RAET1E: variants seen among roughly 807,000 people sequenced by gnomAD.
RAET1E encodes the protein NKG2D ligand 4.
Under a neutral mutation model 21.1 loss-of-function variants are expected in RAET1E, and 27 were observed. That is an observed-to-expected ratio of 1.28 (90% CI 0.94 to 1.76). RAET1E has a LOEUF of 1.76. Ranked by LOEUF, RAET1E falls within the 40% of genes most tolerant of loss-of-function variation. The probability of loss-of-function intolerance (pLI) is 0.00; values close to 1 mark genes in which losing one functional copy is unlikely to be tolerated. For synonymous variants in RAET1E, 113 were observed against 115.0 expected (o/e 0.98, Z 0.11); for missense variants, 310 against 311.3 (o/e 1.00, Z 0.03).
intron 2 of RAET1E, chr6:149,895,611 GAA>G (rs1778086541): frequency 6.6e-6 from 1 of 152,200 alleles, no homozygotes; most frequent in Non-Finnish European, 1.5e-5. Context: ...CTATCATTGG[GAA>G]AAGTCTTAGG....
At chr6:149,894,295 G>C (rs527332104) in intron 2 of RAET1E, among the ~76,000 whole-genome samples, 2 of 152,174 alleles carry the variant, frequency 1.3e-5, no homozygotes, top group Admixed American at 1.3e-4. Flanking sequence ...GATGTTCTCT[G>C]TATTTCCTGA....
At position 149,889,568 on chromosome 6, in the gene RAET1E, A is replaced by G; in HGVS notation, c.402T>C (p.Thr134=). ...TGGTGGCGAACTGCCAGGATGCACC[A>G]GTGCACCGTTCTGCTTCACGTTGAC... The part of the protein sequence containing the change: ...MFCQREAERC[T]GASWQFATNG... The change falls in exon 5 of 6, where the codon ACT becomes ACC. Residue 134 remains threonine (T), a synonymous_variant. Coordinates refer to ENST00000357183, the MANE Select transcript of RAET1E (RefSeq NM_001394057.1). 1 of 1,614,208 alleles carries G rather than the reference A, an allele frequency of 6.2e-7. No individual in the cohort carries two copies. Among genetic ancestry groups the G allele is most frequent in the Non-Finnish European group, 8.5e-7 (1 of 1,180,038 alleles).
chr6:149,891,122 G>A, intron 2 of RAET1E, 88 bp from the exon 3 acceptor site: 1 of 459,504 alleles, frequency 2.2e-6, no homozygotes, highest in Non-Finnish European at 3.9e-6. Flanking sequence ...AATAAAAGAA[G>A]ACATTTAAAA....
At chr6:149,893,856 A>G (rs950720816) in intron 2 of RAET1E, among the ~76,000 whole-genome samples, 15 of 152,200 alleles carry the variant, frequency 9.9e-5, no homozygotes, top group African/African-American at 3.4e-4. Flanking sequence ...AATAGCTCTC[A>G]TTATTTTCGG....
chr6:149,890,275 C>T lies in RAET1E; in HGVS notation c.86-130G>A, dbSNP rs888561427. 5.6e-5 allele frequency: 51 copies of T among 906,028 alleles called. No individual in the cohort carries two copies. The Admixed American group carries it at 1.3e-3, about 23-fold the overall frequency. The allele number at this position is 906,028 out of a possible 1,614,324, so 56.1% of individuals were successfully genotyped here. ...GCGGGGCAGCTCCATCCCAGACTCC[C>T]TCAACCTTCTGGATCCCTGTTCCCA... On this transcript the variant is annotated intron_variant, in intron 3 of 5. Coordinates refer to ENST00000357183, the MANE Select transcript of RAET1E (RefSeq NM_001394057.1).
intron 1 of RAET1E, among the ~76,000 whole-genome samples, chr6:149,897,680 C>G (rs992438429): frequency 1.3e-5 from 2 of 152,104 alleles, no homozygotes; most frequent in African/African-American, 4.8e-5. Flanking sequence ...GAGAATGGGA[C>G]AAGAGAAGTC....
chr6:149,884,479 G>A lies in RAET1E; in HGVS notation c.*4019C>T, dbSNP rs1777522634. ...AGGTGAACAACTCTGCGCCGCCGTG[G>A]TATCACCTCTAGGTGGATCTTCTGC... is the stretch of plus-strand genomic sequence containing the variant. On this transcript the variant is annotated 3_prime_UTR_variant, in exon 6 of 6. Transcript: ENST00000357183. 5.2e-6 allele frequency: 8 copies of A among 1,535,802 alleles called. No individual in the cohort carries two copies. Among genetic ancestry groups the A allele is most frequent in the Non-Finnish European group, 5.2e-6 (6 of 1,146,712 alleles).
Position 149,884,405 on chromosome 6 carries a change from A to G in RAET1E, c.*4093T>C. The stretch of plus-strand genomic sequence containing the variant: ...TGCAGGCTCCGCCTCCACTTGACTC[A>G]GGGAACACACAGCAGTGGGAGCCAA... On this transcript the variant is annotated 3_prime_UTR_variant, in exon 6 of 6. Coordinates refer to ENST00000357183, the MANE Select transcript of RAET1E (RefSeq NM_001394057.1). 1 of 1,298,206 alleles carries G rather than the reference A, an allele frequency of 7.7e-7. No homozygotes were observed. Among genetic ancestry groups the G allele is most frequent in the African/African-American group, 1.5e-5 (1 of 68,434 alleles). The allele number at this position is 1,298,206 out of a possible 1,614,324, so 80.4% of individuals were successfully genotyped here. A position where few individuals can be genotyped will look rare whatever the true frequency, so the allele number is the denominator to read the frequency against.
intron 4 of RAET1E, 66 bp downstream of exon 4, chr6:149,889,819 C>G: frequency 6.4e-7 from 1 of 1,560,738 alleles, no homozygotes; most frequent in Non-Finnish European, 8.7e-7. Flanking sequence ...AGCCCCTCCC[C>G]ATCTGTGTTC....
At chr6:149,889,652 TC>T in intron 4 of RAET1E, 29 bp from the exon 5 acceptor site, 1 of 1,611,104 alleles carries the variant, frequency 6.2e-7, no homozygotes, top group Non-Finnish European at 8.5e-7. Flanking sequence ...GCCATCATCC[TC>T]CACTCTTTGA....
At position 149,885,644 on chromosome 6, in the gene RAET1E, C is replaced by T. The variant is rs1016681131; in HGVS notation, c.*2854G>A. ...GGATTGAGCTGAAGATAGTCACTGA[C>T]ATGATTCAAAGGATTAGCACTTGGT... On this transcript the variant is annotated 3_prime_UTR_variant, in exon 6 of 6. Transcript: ENST00000357183. 5.3e-5 allele frequency: 8 copies of T among 152,380 alleles called. No homozygotes were observed. In the East Asian group the frequency reaches 7.7e-4, roughly 15 times the overall value. The allele number at this position is 152,380 out of a possible 1,614,324, so 9.4% of individuals were successfully genotyped here.
chr6:149,888,668 CTA>C lies in RAET1E; in HGVS notation c.623-3_623-2del, dbSNP rs1562463836. ...ATATCTGAAGCATTTACTGGTGACACTAAAAAAAAAAAAAAAAAGAAAAAAAA... is the reference window on the plus strand; with the variant it reads ...ATATCTGAAGCATTTACTGGTGACACAAAAAAAAAAAAAAAAGAAAAAAAA... On this transcript the variant is annotated splice_acceptor_variant and splice_polypyrimidine_tract_variant and intron_variant, in intron 5 of 5. Transcript: ENST00000357183. LOFTEE classifies it high-confidence loss of function. 2.1e-5 allele frequency: 25 copies of C among 1,213,128 alleles called. No individual in the cohort carries two copies. The highest frequency in any genetic ancestry group is 4.6e-5 in the Admixed American group (1 of 21,602). 75.1% of individuals were successfully genotyped at this position (1,213,128 alleles called of 1,614,324 possible).
In RAET1E at chr6:149,889,567, C is replaced by T. The variant is rs1777783519; in HGVS notation, c.403G>A (p.Gly135Ser). The T allele has an allele frequency of 6.2e-7, 1 of 1,614,180 alleles. No homozygotes were observed. The highest frequency in any genetic ancestry group is 8.5e-7 in the Non-Finnish European group (1 of 1,180,028). ...FCQREAERCT[G>S]ASWQFATNGE... ...TTGGTGGCGAACTGCCAGGATGCACCAGTGCACCGTTCTGCTTCACGTTGA... is the reference window on the plus strand; with the variant it reads ...TTGGTGGCGAACTGCCAGGATGCACTAGTGCACCGTTCTGCTTCACGTTGA... The change falls in exon 5 of 6, where the codon GGT (glycine) becomes AGT (serine). Residue 135 changes from glycine to serine, a missense_variant. Gly to Ser is a moderately conservative substitution (Grantham distance 56). Transcript: ENST00000357183.
At position 149,885,551 on chromosome 6, in the gene RAET1E, G is replaced by C. The variant is rs139390073; in HGVS notation, c.*2947C>G. On this transcript the variant is annotated 3_prime_UTR_variant, in exon 6 of 6. Coordinates refer to ENST00000357183, the MANE Select transcript of RAET1E (RefSeq NM_001394057.1). ...AGCCCTGCCCCTAATCCAGAGGCCA[G>C]TTGGCCCCATCTCATACTCTGTTTT... 6.6e-6 allele frequency: 1 copy of C among 152,304 alleles called. No homozygotes were observed. Among genetic ancestry groups the C allele is most frequent in the African/African-American group, 2.4e-5 (1 of 41,460 alleles). 9.4% of individuals were successfully genotyped at this position (152,304 alleles called of 1,614,324 possible).
rs1002357666 is a variant in RAET1E, at chr6:149,896,044, C to T, written c.-320-12G>A. ...TGAGTTATGACTTCCTAAATAGCAT[C>T]ACCTTGAGAATTAGGATTTCTGCAT... On this transcript the variant is annotated splice_polypyrimidine_tract_variant and intron_variant, in intron 1 of 5. Coordinates refer to ENST00000357183, the MANE Select transcript of RAET1E (RefSeq NM_001394057.1). 1 of 152,244 alleles carries T rather than the reference C, an allele frequency of 6.6e-6. No individual in the cohort carries two copies. Among genetic ancestry groups the T allele is most frequent in the Non-Finnish European group, 1.5e-5 (1 of 68,062 alleles). 9.4% of individuals were successfully genotyped at this position (152,244 alleles called of 1,614,324 possible). A position where few individuals can be genotyped will look rare whatever the true frequency, so the allele number is the denominator to read the frequency against.
rs540815012 is a variant in RAET1E, at chr6:149,887,575, G to T, written c.*923C>A. Among the ~76,000 whole-genome samples, 1 of 152,146 alleles carries T rather than the reference G, an allele frequency of 6.6e-6. No individual in the cohort carries two copies. The highest frequency in any genetic ancestry group is 1.5e-5 in the Non-Finnish European group (1 of 68,038). On this transcript the variant is annotated 3_prime_UTR_variant, in exon 6 of 6. Coordinates refer to ENST00000357183, the MANE Select transcript of RAET1E (RefSeq NM_001394057.1). Reference sequence around the variant, plus strand: ...GACACATATCTGAGTCATGGTATTCGTTTAAGCAATGAAAAGGGTAGAATC... The same window carrying T: ...GACACATATCTGAGTCATGGTATTCTTTTAAGCAATGAAAAGGGTAGAATC...
Position 149,885,608 on chromosome 6 carries a change from A to G in RAET1E, c.*2890T>C, listed in dbSNP as rs1464268110. On this transcript the variant is annotated 3_prime_UTR_variant, in exon 6 of 6. Coordinates refer to ENST00000357183, the MANE Select transcript of RAET1E (RefSeq NM_001394057.1). ...AGTATACCTGATGCCCTCCCTCCTG[A>G]CCTGTGATTGGGATTGAGCTGAAGA... The G allele has an allele frequency of 2.6e-5, 4 of 152,304 alleles. No homozygotes were observed. Among genetic ancestry groups the G allele is most frequent in the Non-Finnish European group, 4.4e-5 (3 of 68,166 alleles). 9.4% of individuals were successfully genotyped at this position (152,304 alleles called of 1,614,324 possible).
In RAET1E at chr6:149,888,604, A is replaced by G. The variant is rs765598897; in HGVS notation, c.686T>C (p.Ile229Thr). 6.2e-7 allele frequency: 1 copy of G among 1,609,668 alleles called. No homozygotes were observed. The highest frequency in any genetic ancestry group is 8.5e-7 in the Non-Finnish European group (1 of 1,178,780). The change falls in exon 6 of 6, where the codon ATC becomes ACC. Residue 229 changes from isoleucine (I) to threonine (T), a missense_variant. Physicochemically the swap from Ile to Thr is moderately conservative, Grantham distance 89. Coordinates refer to ENST00000357183, the MANE Select transcript of RAET1E (RefSeq NM_001394057.1). ...AACTAACAGGATGAATGCCCCCAGG[A>G]TGATCCATCTATCTGGTAGACTAGA... is the stretch of plus-strand genomic sequence containing the variant. The part of the protein sequence containing the change: ...SSSSLPDRWI[I>T]LGAFILLVLM...
intron 2 of RAET1E, among the ~76,000 whole-genome samples, chr6:149,891,258 C>T (rs369849374): frequency 1.3e-5 from 2 of 152,122 alleles, no homozygotes; most frequent in Admixed American, 6.5e-5. Flanking sequence ...CCTCCAGTTT[C>T]CTCTTCCCTT....
Sources: allele counts gnomAD v4.1 joint callset (sites outside exome capture counted in the v4.1 genomes callset), GRCh38; gene constraint gnomAD v4.1.1; transcripts MANE v1.5; gene names NCBI Gene and HGNC (gene_info 2026-07-23, HGNC 2026-07-21).